The following IL36G variants were observed in gnomAD, a reference collection of about 807,000 sequenced individuals.
The protein encoded by IL36G is interleukin 36 gamma.
IL36G carries 10 observed loss-of-function variants against 13.5 expected under a neutral mutation model. The ratio of observed to expected loss-of-function variants is 0.74; its 90% CI spans 0.46 to 1.26. IL36G has a LOEUF of 1.26. Ranked by LOEUF, IL36G falls within the 50% of genes most tolerant of loss-of-function variation. The pLI is 0.00. For missense variants in IL36G, 199 were observed against 203.0 expected (o/e 0.98, Z 0.12); for synonymous variants, 84 against 74.0 (o/e 1.13, Z -0.69).
At position 112,985,345 on chromosome 2, in the gene IL36G, G is replaced by A. The variant is rs1684332056; in HGVS notation, c.*296G>A. The A allele has an allele frequency of 2.9e-6, 1 of 348,968 alleles. No homozygotes were observed. Among genetic ancestry groups the A allele is most frequent in the South Asian group, 3.6e-5 (1 of 27,880 alleles). The allele number at this position is 348,968 out of a possible 1,614,324, so 21.6% of individuals were successfully genotyped here. On this transcript the variant is annotated 3_prime_UTR_variant, in exon 5 of 5. Coordinates refer to ENST00000259205, the MANE Select transcript of IL36G (RefSeq NM_019618.4). ...TTAAGACTCAAAGACCAAACACTGA[G>A]CTTTCTTCTAGGGGTGGGTATGAAG... is the stretch of plus-strand genomic sequence containing the variant.
intron 4 of IL36G, among the ~76,000 whole-genome samples, chr2:112,984,424 A>G (rs1439409832): frequency 6.6e-6 from 1 of 152,184 alleles, no homozygotes; most frequent in Non-Finnish European, 1.5e-5. Context: ...TCAGAAATTC[A>G]TACCCTAACC....
intron 4 of IL36G, among the ~76,000 whole-genome samples, chr2:112,982,709 C>T (rs1001576548): frequency 6.6e-6 from 1 of 152,014 alleles, no homozygotes; most frequent in African/African-American, 2.4e-5. Context: ...GCTAAGTCAC[C>T]CTTATGTTGT....
At chr2:112,982,214 T>C (rs1233966658) in intron 4 of IL36G, among the ~76,000 whole-genome samples, 1 of 152,180 alleles carries the variant, frequency 6.6e-6, no homozygotes, top group African/African-American at 2.4e-5. Flanking sequence ...CAGTGGTGAA[T>C]AGTGCAATAG....
chr2:112,984,726 T>C (rs768424100), intron 4 of IL36G, 114 bp from the exon 5 acceptor site: 6 of 876,146 alleles, frequency 6.8e-6, no homozygotes, highest in Non-Finnish European at 1.1e-5. Context: ...CCTGCTCTAA[T>C]AGATGGATAA....
intron 2 of IL36G, 143 bp downstream of exon 2, chr2:112,978,836 T>C: frequency 1.2e-6 from 1 of 803,010 alleles, no homozygotes; most frequent in Non-Finnish European, 2.1e-6. Flanking sequence ...CACTGGGCCC[T>C]GGGCTTCTGG....
At chr2:112,982,044 G>T (rs1417300183) in intron 4 of IL36G, among the ~76,000 whole-genome samples, 7 of 152,150 alleles carry the variant, frequency 4.6e-5, no homozygotes, top group Non-Finnish European at 8.8e-5. Context: ...GACCATGTGG[G>T]GCTTGGATTC....
intron 4 of IL36G, among the ~76,000 whole-genome samples, chr2:112,983,902 G>A (rs771568607): frequency 2.0e-5 from 3 of 152,220 alleles, no homozygotes; most frequent in Non-Finnish European, 4.4e-5. Context: ...CCAGGTGAGA[G>A]AGTGATGGCC....
At position 112,982,930 on chromosome 2, in the gene IL36G, C is replaced by T. The variant is rs560706386; in HGVS notation, c.301-1910C>T. ...GTTTTCTGCAAAGTGGAACTGGTGG[C>T]GGTGGTGGGTAAGCAAAGTAGTTAT... On this transcript the variant is annotated intron_variant, in intron 4 of 4. Transcript: ENST00000259205. Among the ~76,000 whole-genome samples, 28 of 152,038 alleles carry T rather than the reference C, an allele frequency of 1.8e-4. 1 individual carries two copies. The Middle Eastern group carries it at 0.02, about 111-fold the overall frequency.
chr2:112,980,189 A>G (rs1409532711), intron 4 of IL36G, 41 bp downstream of exon 4: 3 of 1,576,700 alleles, frequency 1.9e-6, no homozygotes, highest in Non-Finnish European at 2.6e-6. Flanking sequence ...CTTTCCTTTT[A>G]GAAGTGTTTG....
chr2:112,983,774 G>C (rs1183878303), intron 4 of IL36G, among the ~76,000 whole-genome samples: 1 of 152,030 alleles, frequency 6.6e-6, no homozygotes, highest in Non-Finnish European at 1.5e-5. Context: ...CATGCAAAAG[G>C]GTATCATAAT....
chr2:112,979,914 C>T (rs1366430970), intron 3 of IL36G, 95 bp from the exon 4 acceptor site: 13 of 1,265,954 alleles, frequency 1.0e-5, no homozygotes, highest in South Asian at 2.8e-5. Flanking sequence ...CTTCAGCTCT[C>T]TTCCAGATCC....
intron 4 of IL36G, chr2:112,981,321 C>T (rs1684257517): frequency 1.1e-6 from 1 of 925,554 alleles, no homozygotes; most frequent in Non-Finnish European, 1.8e-6. Flanking sequence ...TTAGGCTTGG[C>T]CTCTGGATTT....
intron 4 of IL36G, among the ~76,000 whole-genome samples, chr2:112,981,947 A>G (rs571024539): frequency 6.6e-6 from 1 of 152,304 alleles, no homozygotes; most frequent in South Asian, 2.1e-4. Flanking sequence ...AATCCAATTC[A>G]ATTAAGCGCA....
At position 112,985,238 on chromosome 2, in the gene IL36G, CA is replaced by C; in HGVS notation, c.*190del. 6.9e-6 allele frequency: 4 copies of C among 578,812 alleles called. No individual in the cohort carries two copies. The Middle Eastern group carries it at 1.9e-3, about 274-fold the overall frequency. 35.9% of individuals were successfully genotyped at this position (578,812 alleles called of 1,614,324 possible). ...GCAACTGAAGAACAGGATGTGGCCT[CA>C]GAAGCAGGAGAGCTGGGTGGTATAA... On this transcript the variant is annotated 3_prime_UTR_variant, in exon 5 of 5. Transcript: ENST00000259205.
intron 1 of IL36G, among the ~76,000 whole-genome samples, chr2:112,978,324 G>A (rs925285616): frequency 2.6e-5 from 4 of 152,200 alleles, no homozygotes; most frequent in African/African-American, 9.7e-5. Context: ...AGGAGTCAGG[G>A]CATCAGGTGC....
rs569073954 is a variant in IL36G at position 112,978,046 on chromosome 2, C to T, written c.-52C>T. On this transcript the variant is annotated 5_prime_UTR_variant, in exon 1 of 5. Transcript: ENST00000259205. Reference sequence around the variant, plus strand: ...AGCTGCTGGAGCCACGATTCAGTCCCCTGGACTGTAGATAAAGACCCTTTC... The same window carrying T: ...AGCTGCTGGAGCCACGATTCAGTCCTCTGGACTGTAGATAAAGACCCTTTC... 1 of 155,394 alleles carries T rather than the reference C, an allele frequency of 6.4e-6. No homozygotes were observed. Among genetic ancestry groups the T allele is most frequent in the African/African-American group, 2.4e-5 (1 of 41,450 alleles). The allele number at this position is 155,394 out of a possible 1,614,324, so 9.6% of individuals were successfully genotyped here.
intron 3 of IL36G, among the ~76,000 whole-genome samples, 165 bp from the exon 4 acceptor site, chr2:112,979,844 A>C (rs955644647): frequency 6.6e-6 from 1 of 151,686 alleles, no homozygotes; most frequent in Non-Finnish European, 1.5e-5. Context: ...GGTATGAATG[A>C]ATGAATGAAT....
intron 4 of IL36G, 72 bp downstream of exon 4, chr2:112,980,220 ATT>A: frequency 7.7e-7 from 1 of 1,290,720 alleles, no homozygotes; most frequent in Non-Finnish European, 1.1e-6. Context: ...TAATTTTAGA[ATT>A]AAAAAAGAAA....
chr2:112,980,515 A>C (rs969013561), intron 4 of IL36G, among the ~76,000 whole-genome samples: 7 of 152,248 alleles, frequency 4.6e-5, no homozygotes, highest in African/African-American at 1.7e-4. Context: ...AACTCAATGA[A>C]GTCTTCATCT....
Sources: gnomAD v4.1 joint callset for allele counts (sites outside exome capture counted in the v4.1 genomes callset) on GRCh38, gnomAD v4.1.1 for gene constraint, MANE v1.5 for transcripts, NCBI Gene and HGNC (gene_info 2026-07-23, HGNC 2026-07-21) for gene names.